The following PPCS variants were observed in gnomAD, a reference collection of about 807,000 sequenced individuals.
PPCS encodes phosphopantothenate--cysteine ligase.
In PPCS, 17 loss-of-function variants were observed where a neutral mutation model predicts 24.6. The observed-to-expected ratio is 0.69, with a 90% CI of 0.47 to 1.04. The LOEUF is 1.04. Among genes scored for constraint, PPCS ranks in the 50% least tolerant of loss-of-function variants. The pLI is 0.00. For missense variants in PPCS, 360 were observed against 402.8 expected, an observed-to-expected ratio of 0.89 and a Z score of 0.91; for synonymous variants, 190 against 168.3, an observed-to-expected ratio of 1.13 and a Z score of -1.00.
At chr1:42,469,505 G>A (rs1290789309) in intron 2 of PPCS, among the ~76,000 whole-genome samples, 2 of 152,154 alleles carry the variant, frequency 1.3e-5, no homozygotes, top group African/African-American at 4.8e-5. Context: ...TATATGGTGG[G>A]GCTAAAGGAA....
downstream of PPCS, chr1:42,473,404 T>C (rs1643830588): frequency 1.5e-6 from 1 of 688,132 alleles, no homozygotes; most frequent in Non-Finnish European, 2.0e-6. Context: ...TATCACTGTA[T>C]AGTTTGAAAA....
intron 2 of PPCS, among the ~76,000 whole-genome samples, chr1:42,472,417 AAAGAACTG>A (rs1643800645): frequency 6.6e-6 from 1 of 152,228 alleles, no homozygotes; most frequent in African/African-American, 2.4e-5. Flanking sequence ...AAGTTGCAGA[AAAGAACTG>A]AATTAATGAG....
chr1:42,459,855 G>C lies in PPCS; in HGVS notation c.865G>C (p.Val289Leu), dbSNP rs182769462. ...LLSEEEIEKG[V>L]EIEEKIVDNL... ...ATCAGAGGAAGAAATAGAAAAAGGC[G>C]TAGAGATAGAAGAGAAGATAGTGGA... The change falls in exon 3 of 3, where the codon GTA becomes CTA. Residue 289 changes from valine to leucine, a missense_variant. Around this residue, in one of 2 missense-constraint regions of PPCS, gnomAD observed 116 missense variants for 168.1 expected, o/e 0.69. Coordinates refer to ENST00000372561, the MANE Select transcript of PPCS (RefSeq NM_024664.4). 1 of 1,614,164 alleles carries C rather than the reference G, an allele frequency of 6.2e-7. No individual in the cohort carries two copies. Among genetic ancestry groups the C allele is most frequent in the Admixed American group, 1.7e-5 (1 of 60,014 alleles).
At chr1:42,459,129 T>C (rs1643327056) in intron 2 of PPCS, 1 of 151,876 alleles carries the variant, frequency 6.6e-6, no homozygotes. Flanking sequence ...AATTTAGGCA[T>C]CGCTGTGAAC....
intron 2 of PPCS, among the ~76,000 whole-genome samples, chr1:42,470,672 A>C (rs1353895468): frequency 6.6e-6 from 1 of 152,252 alleles, no homozygotes; most frequent in African/African-American, 2.4e-5. Flanking sequence ...TGAATCTTGA[A>C]GACATTATGC....
chr1:42,458,737 G>T (rs920950249), intron 2 of PPCS, among the ~76,000 whole-genome samples: 1 of 152,114 alleles, frequency 6.6e-6, no homozygotes, highest in Middle Eastern at 3.2e-3. Flanking sequence ...ACAGTTTTTA[G>T]TTCTATCTTG....
chr1:42,462,713 G>T (rs965846648), downstream of PPCS, among the ~76,000 whole-genome samples: 1 of 152,082 alleles, frequency 6.6e-6, no homozygotes, highest in African/African-American at 2.4e-5. Flanking sequence ...TTTTTATTTT[G>T]CATTACATAG....
upstream of PPCS, chr1:42,456,357 G>A (rs1195120043): frequency 1.1e-5 from 7 of 638,494 alleles, no homozygotes; most frequent in Admixed American, 1.3e-4. Context: ...CCACCCAGCC[G>A]GGGATCCCCC....
downstream of PPCS, among the ~76,000 whole-genome samples, chr1:42,465,783 G>C (rs1232379345): frequency 6.6e-6 from 1 of 152,104 alleles, no homozygotes; most frequent in Non-Finnish European, 1.5e-5. Flanking sequence ...ACATATAGTT[G>C]GTAGAGATCA....
In PPCS at chr1:42,457,325, T is replaced by A. The variant is rs764421856; in HGVS notation, c.587T>A (p.Ile196Asn). 3.1e-6 allele frequency: 5 copies of A among 1,614,198 alleles called. No homozygotes were observed. The highest frequency in any genetic ancestry group is 8.5e-7 in the Non-Finnish European group (1 of 1,180,030). The change falls in exon 2 of 3, where the codon ATC becomes AAC. Residue 196 changes from isoleucine to asparagine, a missense_variant. Physicochemically the swap from Ile to Asn is moderately radical, Grantham distance 149. This residue lies in a region of PPCS where 116 missense variants were observed against 168.1 expected (regional missense o/e 0.69). Coordinates refer to ENST00000372561, the MANE Select transcript of PPCS (RefSeq NM_024664.4). Reference sequence around the variant, plus strand: ...GTCTCTGAAATGCCTGAACACAAGATCCAGTCATCTGGGGGCCCACTGCAG... The same window carrying A: ...GTCTCTGAAATGCCTGAACACAAGAACCAGTCATCTGGGGGCCCACTGCAG... ...VPVSEMPEHK[I>N]QSSGGPLQIT...
At chr1:42,470,534 A>G (rs1429935108) in intron 2 of PPCS, among the ~76,000 whole-genome samples, 2 of 152,250 alleles carry the variant, frequency 1.3e-5, no homozygotes, top group Non-Finnish European at 1.5e-5. Flanking sequence ...CATCATTCAC[A>G]ATAGTTGAAA....
intron 2 of PPCS, among the ~76,000 whole-genome samples, chr1:42,469,529 A>G (rs571341077): frequency 1.3e-5 from 2 of 152,310 alleles, no homozygotes; most frequent in East Asian, 3.9e-4. Flanking sequence ...TATTTCTTGT[A>G]TCTTTAAGAC....
At chr1:42,468,879 G>T (rs1411582498) in intron 2 of PPCS, among the ~76,000 whole-genome samples, 1 of 152,150 alleles carries the variant, frequency 6.6e-6, no homozygotes, top group African/African-American at 2.4e-5. Context: ...TAGTGAGAAG[G>T]GCAGAGAGCT....
chr1:42,461,423 A>T (rs1643406921), downstream of PPCS, among the ~76,000 whole-genome samples: 2 of 151,754 alleles, frequency 1.3e-5, no homozygotes, highest in South Asian at 4.2e-4. Context: ...GTAATCTTGA[A>T]CTCCTGGACT....
downstream of PPCS, among the ~76,000 whole-genome samples, chr1:42,466,188 G>C (rs930194607): frequency 4.6e-5 from 7 of 152,174 alleles, no homozygotes; most frequent in African/African-American, 1.7e-4. Context: ...AGTTTTTGTG[G>C]CTGTGCTATG....
upstream of PPCS, chr1:42,456,539 G>A: frequency 6.9e-7 from 1 of 1,446,290 alleles, no homozygotes; most frequent in Non-Finnish European, 9.1e-7. Flanking sequence ...CGCGAAACGT[G>A]CGCAGGCGCC....
chr1:42,457,511 T>G, intron 2 of PPCS, 161 bp downstream of exon 2: 1 of 642,224 alleles, frequency 1.6e-6, no homozygotes, highest in Non-Finnish European at 2.8e-6. Context: ...CACAATCTAG[T>G]GAGGGAGCTG....
Position 42,473,019 on chromosome 1 carries a change from G to A in PPCS, n.378-103G>A, listed in dbSNP as rs572997303. Reference sequence around the variant, plus strand: ...TCTATTGCTAGTACCCTAAAGACTAGTACTCTAATAAGGAGACTAAGGTGG... The same window carrying A: ...TCTATTGCTAGTACCCTAAAGACTAATACTCTAATAAGGAGACTAAGGTGG... On this transcript the variant is annotated intron_variant and non_coding_transcript_variant, in intron 2 of 2. Coordinates refer to the PPCS transcript ENST00000471420. The A allele has an allele frequency of 2.8e-5, 30 of 1,072,868 alleles. 1 individual carries two copies. The African/African-American group carries it at 4.4e-4, about 16-fold the overall frequency. The allele number at this position is 1,072,868 out of a possible 1,614,324, so 66.5% of individuals were successfully genotyped here.
At chr1:42,472,578 A>C (rs1297809591) in intron 2 of PPCS, among the ~76,000 whole-genome samples, 2 of 152,208 alleles carry the variant, frequency 1.3e-5, no homozygotes, top group East Asian at 1.9e-4. Flanking sequence ...TGGACTTTAA[A>C]AAAGAAACAA....
Sources: allele counts gnomAD v4.1 joint callset (sites outside exome capture counted in the v4.1 genomes callset), GRCh38; gene constraint gnomAD v4.1.1; regional missense constraint gnomAD v4.1.1; transcripts MANE v1.5; gene names NCBI Gene and HGNC (gene_info 2026-07-23, HGNC 2026-07-21).